CACNA1E: variants seen among roughly 807,000 people sequenced by gnomAD.
The protein encoded by CACNA1E is calcium voltage-gated channel subunit alpha1 E, also known as voltage-dependent R-type calcium channel subunit alpha-1E.
In CACNA1E, 40 loss-of-function variants were observed where a neutral mutation model predicts 259.2. That is an observed-to-expected ratio of 0.15 (90% CI 0.12 to 0.20). CACNA1E has a LOEUF of 0.20. Among genes scored for constraint, CACNA1E ranks in the 10% least tolerant of loss-of-function variants. The probability of loss-of-function intolerance (pLI) is 1.00; values close to 1 mark genes in which losing one functional copy is unlikely to be tolerated. For synonymous variants in CACNA1E, 1,104 were observed against 1,138.5 expected (o/e 0.97, Z 0.61); for missense variants, 1,874 against 3,040.1 (o/e 0.62, Z 9.02).
chr1:181,341,520 A>G (rs114485340), intron 1 of CACNA1E, among the ~76,000 whole-genome samples: 1,635 of 152,262 alleles, frequency 0.011, 44 homozygotes, highest in African/African-American at 0.038. Context: ...TGCTCTGAAG[A>G]GGGTTCAGTG....
intron 1 of CACNA1E, among the ~76,000 whole-genome samples, chr1:181,384,275 A>G (rs192374292): frequency 1.1e-4 from 17 of 152,318 alleles, no homozygotes; most frequent in Admixed American, 9.8e-4. Flanking sequence ...TGATTCACCT[A>G]TACTAAAAAT....
At chr1:181,599,573 C>T (rs1351085604) in intron 6 of CACNA1E, among the ~76,000 whole-genome samples, 1 of 152,158 alleles carries the variant, frequency 6.6e-6, no homozygotes, top group African/African-American at 2.4e-5. Context: ...TTTGTGTGAC[C>T]ATTTATTAAG....
rs1655606006 is a variant in CACNA1E, at chr1:181,732,624, G to A, written c.2538G>A (p.Glu846=). The change falls in exon 20 of 48, where the codon GAG becomes GAA. Residue 846 remains glutamate (E), a synonymous_variant. Transcript: ENST00000367573. This position sits in a 1 kb window ranked among gnomAD's most constrained non-coding sequence, Gnocchi z 5.5. ...TGGGCCTGGCCCTGGAGAAGTTCGA[G>A]GAGGAGCGCATCAGCCGTGGGGGGT... The part of the protein sequence containing the change: ...LALGLALEKF[E]EERISRGGSL... 1 of 1,490,326 alleles carries A rather than the reference G, an allele frequency of 6.7e-7. No individual in the cohort carries two copies. 92.3% of individuals were successfully genotyped at this position (1,490,326 alleles called of 1,614,324 possible). A position where few individuals can be genotyped will look rare whatever the true frequency, so the allele number is the denominator to read the frequency against.
At chr1:181,590,415 AAAT>A (rs1194244573) in intron 6 of CACNA1E, among the ~76,000 whole-genome samples, 6,716 of 127,060 alleles carry the variant, frequency 0.053, 168 homozygotes, top group South Asian at 0.15. Flanking sequence ...AAAAAAAAAA[AAAT>A]ATATATATAT....
intron 38 of CACNA1E, among the ~76,000 whole-genome samples, chr1:181,778,823 G>A (rs945643542): frequency 6.6e-6 from 1 of 152,150 alleles, no homozygotes; most frequent in Non-Finnish European, 1.5e-5. Flanking sequence ...GGCTCCTACT[G>A]AGTAAAGAAG....
chr1:181,793,459 C>A (rs1166311214), intron 44 of CACNA1E, among the ~76,000 whole-genome samples: 4 of 152,220 alleles, frequency 2.6e-5, no homozygotes, highest in Non-Finnish European at 2.9e-5. Flanking sequence ...ACCTTCAGCA[C>A]TCAATCCCAG....
chr1:181,714,419 CCTGAACCCCAACATG>C (rs1232424316), intron 8 of CACNA1E, among the ~76,000 whole-genome samples: 2 of 152,192 alleles, frequency 1.3e-5, no homozygotes, highest in Admixed American at 6.5e-5. Context: ...CCAGATGCCT[CCTGAACCCCAACATG>C]CTGAACCCCA....
intron 7 of CACNA1E, among the ~76,000 whole-genome samples, chr1:181,682,148 C>T (rs1030906516): frequency 2.6e-5 from 4 of 152,298 alleles, no homozygotes; most frequent in East Asian, 1.9e-4. Context: ...TTAACGATGA[C>T]CCCATAGTGG....
At chr1:181,371,882 A>G (rs773236267) in intron 1 of CACNA1E, among the ~76,000 whole-genome samples, 22 of 152,312 alleles carry the variant, frequency 1.4e-4, no homozygotes, top group Admixed American at 1.4e-3. Flanking sequence ...TTTGTGGAAA[A>G]TCAGATGGTT....
intron 2 of CACNA1E, among the ~76,000 whole-genome samples, chr1:181,425,531 T>TCCCCCCCCCCCCCCC (rs1201398954): frequency 1.7e-5 from 1 of 57,722 alleles, no homozygotes; most frequent in Non-Finnish European, 3.5e-5. Flanking sequence ...ACACCCCCGC[T>TCCCCCCCCCCCCCCC]CCCCCCCCCG....
At position 181,429,614 on chromosome 1, in the gene CACNA1E, A is replaced by G. The variant is rs1444905704; in HGVS notation, c.434+16034A>G. On this transcript the variant is annotated intron_variant, in intron 2 of 11. Coordinates refer to the CACNA1E transcript ENST00000524607. ...TCTTAACCTTTCTGGGGCTGAGGAC[A>G]CCAGCATTCAGGGTTGTGTGTGAGG... 2.6e-5 allele frequency among the ~76,000 whole-genome samples: 4 copies of G among 152,292 alleles called. No homozygotes were observed. In the East Asian group the frequency reaches 7.7e-4, roughly 29 times the overall value.
chr1:181,634,177 C>G (rs1299085488), intron 6 of CACNA1E, among the ~76,000 whole-genome samples: 1 of 152,178 alleles, frequency 6.6e-6, no homozygotes, highest in Non-Finnish European at 1.5e-5. Context: ...CAGTTCACAC[C>G]TCTAAGCTCA....
At chr1:181,466,217 G>C (rs540806827) in intron 2 of CACNA1E, among the ~76,000 whole-genome samples, 3 of 152,284 alleles carry the variant, frequency 2.0e-5, no homozygotes, top group Admixed American at 6.5e-5. Flanking sequence ...AAGGTCTAAA[G>C]ACCTTATCAC....
At chr1:181,738,338 C>G in intron 23 of CACNA1E, 29 bp from the exon 24 acceptor site, 1 of 1,597,078 alleles carries the variant, frequency 6.3e-7, no homozygotes, top group Non-Finnish European at 8.6e-7. Flanking sequence ...CACACATGGT[C>G]ATTTCCTTCC....
chr1:181,582,988 C>G (rs1651690936), intron 6 of CACNA1E, among the ~76,000 whole-genome samples: 1 of 152,070 alleles, frequency 6.6e-6, no homozygotes, highest in Non-Finnish European at 1.5e-5. Context: ...AGTCATTGAA[C>G]TTGAGTTTAC....
chr1:181,433,453 C>A (rs189304712), intron 2 of CACNA1E, among the ~76,000 whole-genome samples: 66 of 152,300 alleles, frequency 4.3e-4, no homozygotes, highest in African/African-American at 1.5e-3. Flanking sequence ...CTTAATTTTG[C>A]ATTCCATTGC....
intron 7 of CACNA1E, among the ~76,000 whole-genome samples, chr1:181,665,156 T>TAC (rs10603505): frequency 0.012 from 1,859 of 150,100 alleles, 29 homozygotes; most frequent in African/African-American, 0.039. Flanking sequence ...TATATACCTA[T>TAC]ACACACACAC....
chr1:181,408,613 T>G (rs1320589085), intron 1 of CACNA1E, among the ~76,000 whole-genome samples: 1 of 152,058 alleles, frequency 6.6e-6, no homozygotes, highest in Non-Finnish European at 1.5e-5. Context: ...GCCATTCCAC[T>G]GTGCCCTGAC....
chr1:181,670,793 G>T (rs1648713849), intron 7 of CACNA1E, among the ~76,000 whole-genome samples: 2 of 152,070 alleles, frequency 1.3e-5, no homozygotes, highest in African/African-American at 4.8e-5. Flanking sequence ...TCACAGAGAA[G>T]TTTCTCCTCC....
Sources: allele counts gnomAD v4.1 joint callset (sites outside exome capture counted in the v4.1 genomes callset), GRCh38; gene constraint gnomAD v4.1.1; non-coding constraint Gnocchi (gnomAD v3.1); transcripts MANE v1.5; gene names NCBI Gene and HGNC (gene_info 2026-07-23, HGNC 2026-07-21).